DACH1: variants seen among roughly 807,000 people sequenced by gnomAD.
The protein encoded by DACH1 is dachshund homolog 1.
In DACH1, 12 loss-of-function variants were observed where a neutral mutation model predicts 54.2. That is an observed-to-expected ratio of 0.22 (90% CI 0.14 to 0.36). The LOEUF (loss-of-function observed/expected upper bound fraction) is 0.36, where lower values mean the gene tolerates loss of function less well. Among genes scored for constraint, DACH1 ranks in the 10% least tolerant of loss-of-function variants. DACH1 has a pLI of 1.00. For synonymous variants in DACH1, 386 were observed against 366.2 expected (o/e 1.05, Z -0.62); for missense variants, 805 against 929.8 (o/e 0.87, Z 1.75).
At chr13:71,794,461 TG>T (rs1886961299) in intron 1 of DACH1, among the ~76,000 whole-genome samples, 1 of 152,142 alleles carries the variant, frequency 6.6e-6, no homozygotes, top group Non-Finnish European at 1.5e-5. Context: ...TTTATTGAGA[TG>T]GAGTCTTGCT....
intron 2 of DACH1, among the ~76,000 whole-genome samples, chr13:71,680,026 C>T (rs961338350): frequency 6.6e-6 from 1 of 151,692 alleles, no homozygotes; most frequent in African/African-American, 2.4e-5. Flanking sequence ...TCCCAAGTCC[C>T]AAATTTTCTA....
intron 2 of DACH1, among the ~76,000 whole-genome samples, chr13:71,634,720 T>C (rs1301128143): frequency 1.3e-5 from 2 of 152,196 alleles, no homozygotes; most frequent in South Asian, 2.1e-4. Flanking sequence ...TGCTTGTGTT[T>C]GCATCAACCC....
At chr13:71,548,819 G>GATCACTTGA (rs1883623891) in intron 6 of DACH1, among the ~76,000 whole-genome samples, 1 of 152,006 alleles carries the variant, frequency 6.6e-6, no homozygotes, top group African/African-American at 2.4e-5. Flanking sequence ...GGGAGGCTGA[G>GATCACTTGA]ACCCAAGGAT....
intron 1 of DACH1, among the ~76,000 whole-genome samples, chr13:71,830,132 A>T (rs1372972263): frequency 6.6e-6 from 1 of 151,922 alleles, no homozygotes; most frequent in African/African-American, 2.4e-5. Flanking sequence ...TACTAACATA[A>T]GTAGTAAAAA....
chr13:71,785,679 A>G (rs962512416), intron 1 of DACH1, among the ~76,000 whole-genome samples: 7 of 152,324 alleles, frequency 4.6e-5, no homozygotes, highest in South Asian at 4.1e-4. Context: ...GAAAGGCCCA[A>G]TGATTACTAA....
intron 2 of DACH1, among the ~76,000 whole-genome samples, chr13:71,654,467 A>AGT (rs1471146837): frequency 2.6e-4 from 28 of 108,992 alleles, no homozygotes; most frequent in Non-Finnish European, 4.2e-4. Context: ...AGTAAAATAA[A>AGT]ATAAAATAAA....
chr13:71,641,126 A>C (rs1246381245), intron 2 of DACH1, among the ~76,000 whole-genome samples: 1 of 152,060 alleles, frequency 6.6e-6, no homozygotes, highest in Admixed American at 6.6e-5. Flanking sequence ...CCATCTAATT[A>C]AATAAAAATA....
At chr13:71,482,870 G>C (rs1238989573) in intron 7 of DACH1, among the ~76,000 whole-genome samples, 1 of 148,826 alleles carries the variant, frequency 6.7e-6, no homozygotes, top group Non-Finnish European at 1.5e-5. Context: ...GCGCGATCTC[G>C]GCTCACTGCA....
rs1339631979 is a variant in DACH1 at position 71,489,146 on chromosome 13, C to T, written c.1573G>A (p.Glu525Lys). Residue 525 changes from glutamate (E) to lysine (K), a missense_variant and splice_region_variant, in exon 7 of 11, where the codon GAG becomes AAG. By Grantham distance (56) the Glu-to-Lys change is moderately conservative (BLOSUM62 1). Around this residue, in one of 3 missense-constraint regions of DACH1, gnomAD observed 472 missense variants for 545.3 expected, o/e 0.87. Transcript: ENST00000613252. ...GCGGTTGGTGTAGAAAGCGGGGTCT[C>T]ATCTGCATGTGATTGAAACAAAAAT... ...ESKRMHIEKD[E>K]TPLSTPTARD... is the part of the protein sequence containing the mutation. 1 of 1,611,828 alleles carries T rather than the reference C, an allele frequency of 6.2e-7. No homozygotes were observed. Among genetic ancestry groups the T allele is most frequent in the East Asian group, 2.2e-5 (1 of 44,768 alleles).
chr13:71,680,393 A>G (rs1035488497), intron 2 of DACH1, among the ~76,000 whole-genome samples: 1 of 152,128 alleles, frequency 6.6e-6, no homozygotes, highest in African/African-American at 2.4e-5. Flanking sequence ...CTTGAGTCCA[A>G]GTGTTCAAGA....
chr13:71,778,088 T>C lies in DACH1; in HGVS notation c.848+87834A>G, dbSNP rs1886139016. 2.1e-5 allele frequency among the ~76,000 whole-genome samples: 3 copies of C among 142,574 alleles called. No homozygotes were observed. In the Admixed American group the frequency reaches 2.2e-4, roughly 10 times the overall value. 93.5% of individuals were successfully genotyped at this position (142,574 alleles called of 152,430 possible). A position where few individuals can be genotyped will look rare whatever the true frequency, so the allele number is the denominator to read the frequency against. ...GCTTAGGCGACAGAGTGAGACCCTG[T>C]CTACAATAAATAAATAAATAAATAA... On this transcript the variant is annotated intron_variant, in intron 1 of 10. Transcript: ENST00000613252.
Position 71,866,511 on chromosome 13 carries a change from CGCCGCCGCCTCCGCT to C in DACH1, c.244_258del (p.Ser82_Gly86del), listed in dbSNP as rs1264752582. The C allele has an allele frequency of 3.0e-5, 36 of 1,215,150 alleles. No homozygotes were observed. Among genetic ancestry groups the C allele is most frequent in the Middle Eastern group, 3.1e-4 (1 of 3,190 alleles). The allele number at this position is 1,215,150 out of a possible 1,614,324, so 75.3% of individuals were successfully genotyped here. A position where few individuals can be genotyped will look rare whatever the true frequency, so the allele number is the denominator to read the frequency against. ...CCGCCGCCTCCGTTGCCGCTGCTGC[CGCCGCCGCCTCCGCT>C]GCCGCCGCCGCCGCCGCCGCCGCCG... On this transcript the variant is annotated inframe_deletion, in exon 1 of 11. Transcript: ENST00000613252.
chr13:71,769,232 T>A lies in DACH1; in HGVS notation c.849-87322A>T, dbSNP rs991143827. Among the ~76,000 whole-genome samples the A allele has an allele frequency of 5.9e-5, 9 of 151,894 alleles. 1 individual carries two copies. In the Middle Eastern group the frequency reaches 0.027, roughly 459 times the overall value. ...ACCACATACTCTTCATATTTAAAGC[T>A]ACAAATGCCTTTATAATTTTTTTTT... On this transcript the variant is annotated intron_variant, in intron 1 of 10. Coordinates refer to ENST00000613252, the MANE Select transcript of DACH1 (RefSeq NM_080759.6).
chr13:71,754,906 A>T (rs1284742847), intron 1 of DACH1, among the ~76,000 whole-genome samples: 1 of 152,212 alleles, frequency 6.6e-6, no homozygotes, highest in Non-Finnish European at 1.5e-5. Flanking sequence ...CTTGGGTCAC[A>T]TCGCTTTTAA....
At chr13:71,605,367 A>C (rs1874797319) in intron 3 of DACH1, among the ~76,000 whole-genome samples, 1 of 151,822 alleles carries the variant, frequency 6.6e-6, no homozygotes, top group African/African-American at 2.4e-5. Context: ...CAAATGAAAT[A>C]ACATGATGTT....
intron 3 of DACH1, among the ~76,000 whole-genome samples, chr13:71,578,632 A>G (rs2138428088): frequency 6.6e-6 from 1 of 152,312 alleles, no homozygotes; most frequent in South Asian, 2.1e-4. Flanking sequence ...AAAAACACTG[A>G]AATCTCCTGA....
At chr13:71,753,153 G>C (rs970225672) in intron 1 of DACH1, among the ~76,000 whole-genome samples, 8 of 152,164 alleles carry the variant, frequency 5.3e-5, no homozygotes, top group African/African-American at 1.7e-4. Flanking sequence ...ACTGTCCTGT[G>C]AATGGATTGC....
At chr13:71,787,335 A>C (rs932261788) in intron 1 of DACH1, among the ~76,000 whole-genome samples, 52 of 152,326 alleles carry the variant, frequency 3.4e-4, no homozygotes, top group Non-Finnish European at 8.8e-5. Flanking sequence ...CTTTAGCTAG[A>C]GAGACAAGCC....
intron 3 of DACH1, among the ~76,000 whole-genome samples, chr13:71,597,076 C>A (rs555683664): frequency 2.0e-5 from 3 of 152,248 alleles, no homozygotes; most frequent in Non-Finnish European, 4.4e-5. Flanking sequence ...AAGCCAGTCA[C>A]TTCAAATTTA....
Sources: allele counts gnomAD v4.1 joint callset (sites outside exome capture counted in the v4.1 genomes callset), GRCh38; gene constraint gnomAD v4.1.1; regional missense constraint gnomAD v4.1.1; transcripts MANE v1.5; gene names NCBI Gene and HGNC (gene_info 2026-07-23, HGNC 2026-07-21).